Variants in CDH13 observed in about 807,000 individuals in gnomAD.
CDH13 encodes the protein cadherin 13, also known as cadherin-13.
A neutral mutation model predicts 63.8 loss-of-function variants in CDH13; 24 were observed. That is an observed-to-expected ratio of 0.38 (90% CI 0.27 to 0.53). CDH13 has a LOEUF of 0.53. CDH13 is among the 20% of genes least tolerant of loss of function. The probability of loss-of-function intolerance (pLI) is 0.85; values close to 1 mark genes in which losing one functional copy is unlikely to be tolerated. For synonymous variants in CDH13, 503 were observed against 355.3 expected (o/e 1.42, Z -4.67); for missense variants, 1,049 against 903.1 (o/e 1.16, Z -2.07).
chr16:83,775,290 A>G (rs1915031994), intron 11 of CDH13, among the ~76,000 whole-genome samples: 1 of 151,688 alleles, frequency 6.6e-6, no homozygotes, highest in Non-Finnish European at 1.5e-5. Context: ...CTTCAGGTAT[A>G]TTTCTGAATG....
chr16:83,665,849 C>T (rs1407667815), intron 8 of CDH13, among the ~76,000 whole-genome samples: 1 of 152,168 alleles, frequency 6.6e-6, no homozygotes, highest in African/African-American at 2.4e-5. Flanking sequence ...GGAGGAAGAA[C>T]ATGCATTCTT....
At chr16:83,506,053 G>T (rs538741820) in intron 7 of CDH13, among the ~76,000 whole-genome samples, 1 of 152,198 alleles carries the variant, frequency 6.6e-6, no homozygotes, top group African/African-American at 2.4e-5. Context: ...CCAGGTCAGT[G>T]TAAGACCAAA....
intron 10 of CDH13, among the ~76,000 whole-genome samples, chr16:83,693,536 C>T (rs1001753201): frequency 6.6e-6 from 1 of 152,216 alleles, no homozygotes; most frequent in Non-Finnish European, 1.5e-5. Context: ...CAGTCTCTTC[C>T]TCATTCCTGG....
In CDH13 at chr16:83,088,160, G is replaced by A. The variant is rs141129399; in HGVS notation, c.367-37225G>A. Among the ~76,000 whole-genome samples, 46 of 152,310 alleles carry A rather than the reference G, an allele frequency of 3.0e-4. 1 individual carries two copies. Among genetic ancestry groups the A allele is most frequent in the African/African-American group, 8.9e-4 (37 of 41,568 alleles). On this transcript the variant is annotated intron_variant, in intron 3 of 13. Coordinates refer to ENST00000567109, the MANE Select transcript of CDH13 (RefSeq NM_001257.5). ...GATGTGCACTCACCTTTTGGCTCAC[G>A]ACAACAAAAGCCTTCGAAATTCCTG...
intron 2 of CDH13, among the ~76,000 whole-genome samples, chr16:82,933,339 G>C (rs988740033): frequency 6.6e-6 from 1 of 152,114 alleles, no homozygotes; most frequent in Non-Finnish European, 1.5e-5. Flanking sequence ...AAAACTATCA[G>C]ATTTTGGGAG....
intron 8 of CDH13, among the ~76,000 whole-genome samples, chr16:83,643,231 T>G (rs1464629611): frequency 1.1e-5 from 1 of 90,238 alleles, no homozygotes; most frequent in Non-Finnish European, 2.2e-5. Context: ...CATGTATACA[T>G]ATGTAACTAA....
At chr16:83,171,505 T>A in intron 4 of CDH13, 1 of 1,530,840 alleles carries the variant, frequency 6.5e-7, no homozygotes, top group African/African-American at 1.4e-5. Flanking sequence ...TGCCCATAAA[T>A]AATCTTTGTT....
At chr16:83,792,992 C>G (rs1055214317) in intron 13 of CDH13, among the ~76,000 whole-genome samples, 1 of 152,138 alleles carries the variant, frequency 6.6e-6, no homozygotes, top group East Asian at 1.9e-4. Context: ...GGCAGCCTGT[C>G]TTCAGTGGGC....
intron 2 of CDH13, among the ~76,000 whole-genome samples, chr16:83,000,220 CTTATTTTTTTTT>C (rs1912723118): frequency 2.4e-4 from 8 of 33,970 alleles, no homozygotes; most frequent in African/African-American, 4.1e-4. Flanking sequence ...ACAGGTTTAG[CTTATTTTTTTTT>C]TTTTTTTTTT....
chr16:82,747,272 C>A (rs905648481), intron 1 of CDH13, among the ~76,000 whole-genome samples: 4 of 152,124 alleles, frequency 2.6e-5, no homozygotes, highest in Non-Finnish European at 5.9e-5. Flanking sequence ...TAGCCAAAAC[C>A]TATGGAATTG....
At chr16:83,414,525 C>A (rs982410949) in intron 6 of CDH13, among the ~76,000 whole-genome samples, 10 of 152,128 alleles carry the variant, frequency 6.6e-5, no homozygotes, top group African/African-American at 2.4e-4. Context: ...AGAACCCCTT[C>A]ATCTTGTTTA....
rs2041273131 is a variant in CDH13, at chr16:82,896,587, T to A, written c.157+38114T>A. On this transcript the variant is annotated intron_variant, in intron 2 of 13. Transcript: ENST00000567109. The stretch of plus-strand genomic sequence containing the variant: ...ATGGGATTACAGGTGTGAGCCAAGG[T>A]GCCCAGCTCCAGGACAGGATTAAAG... Among the ~76,000 whole-genome samples, 5 of 151,736 alleles carry A rather than the reference T, an allele frequency of 3.3e-5. No individual in the cohort carries two copies. The South Asian group carries it at 8.3e-4, about 25-fold the overall frequency.
At chr16:83,068,589 C>G (rs191675687) in intron 3 of CDH13, among the ~76,000 whole-genome samples, 1 of 152,166 alleles carries the variant, frequency 6.6e-6, no homozygotes. Context: ...GCCACCTGAC[C>G]ATTCTTCTGA....
At chr16:83,589,842 C>T (rs1197171140) in intron 7 of CDH13, among the ~76,000 whole-genome samples, 1 of 151,900 alleles carries the variant, frequency 6.6e-6, no homozygotes, top group East Asian at 1.9e-4. Flanking sequence ...GACAAACCTT[C>T]ATGATGGAGG....
intron 5 of CDH13, among the ~76,000 whole-genome samples, chr16:83,336,293 T>A (rs1268564063): frequency 8.3e-5 from 9 of 108,170 alleles, no homozygotes; most frequent in African/African-American, 3.4e-4. Context: ...AGAGCAAGAC[T>A]CCATCTCAAA....
chr16:83,450,797 G>A (rs1267348205), intron 6 of CDH13, among the ~76,000 whole-genome samples: 1 of 152,168 alleles, frequency 6.6e-6, no homozygotes, highest in East Asian at 1.9e-4. Flanking sequence ...GTGAACCCGG[G>A]AGGCGGAGCT....
chr16:82,914,371 C>T (rs1209767456), intron 2 of CDH13, among the ~76,000 whole-genome samples: 1 of 152,186 alleles, frequency 6.6e-6, no homozygotes, highest in African/African-American at 2.4e-5. Flanking sequence ...CCCCATTTTA[C>T]AGGGAGAAAA....
chr16:82,743,743 C>G, intron 1 of CDH13, among the ~76,000 whole-genome samples: 1 of 152,178 alleles, frequency 6.6e-6, no homozygotes, highest in Non-Finnish European at 1.5e-5. Context: ...AATGTTTTCT[C>G]ACATTCCTGT....
intron 2 of CDH13, among the ~76,000 whole-genome samples, chr16:83,023,634 A>G (rs73594254): frequency 0.028 from 4,246 of 152,328 alleles, 205 homozygotes; most frequent in African/African-American, 0.097. Flanking sequence ...TTAAATGGAC[A>G]TAAACTGTTC....
Sources: gnomAD v4.1 joint callset for allele counts (sites outside exome capture counted in the v4.1 genomes callset) on GRCh38, gnomAD v4.1.1 for gene constraint, MANE v1.5 for transcripts, NCBI Gene and HGNC (gene_info 2026-07-23, HGNC 2026-07-21) for gene names.